Variants in RGS3 observed in about 807,000 individuals in gnomAD.
RGS3 encodes the protein regulator of G-protein signalling 3.
RGS3 carries 80 observed loss-of-function variants against 132.6 expected under a neutral mutation model. The ratio of observed to expected loss-of-function variants is 0.60; its 90% CI spans 0.50 to 0.73. The LOEUF (loss-of-function observed/expected upper bound fraction) is 0.73, where lower values mean the gene tolerates loss of function less well. RGS3 is among the 30% of genes least tolerant of loss of function. The pLI, the probability that RGS3 is intolerant of heterozygous loss-of-function variation, is 0.00. For missense variants in RGS3, 1,382 were observed against 1,530.8 expected, an observed-to-expected ratio of 0.90 and a Z score of 1.62; for synonymous variants, 598 against 620.6, an observed-to-expected ratio of 0.96 and a Z score of 0.54.
At chr9:113,544,501 T>G (rs372599936) in intron 19 of RGS3, among the ~76,000 whole-genome samples, 307 of 152,318 alleles carry the variant, frequency 2.0e-3, no homozygotes, top group African/African-American at 7.0e-3. Flanking sequence ...CCCCATAAAT[T>G]CTATTACCAA....
At chr9:113,449,462 A>G (rs1250132666) in intron 1 of RGS3, among the ~76,000 whole-genome samples, 1 of 152,204 alleles carries the variant, frequency 6.6e-6, no homozygotes, top group African/African-American at 2.4e-5. Context: ...AATTCCGTCA[A>G]TGTGTGGGGT....
chr9:113,468,736 C>T (rs987104404), intron 3 of RGS3, among the ~76,000 whole-genome samples: 5 of 152,106 alleles, frequency 3.3e-5, no homozygotes, highest in Admixed American at 6.6e-5. Flanking sequence ...TCTCTAGTCA[C>T]CTGGATATGG....
chr9:113,502,401 G>T (rs917995770), intron 10 of RGS3, among the ~76,000 whole-genome samples: 1 of 152,242 alleles, frequency 6.6e-6, no homozygotes, highest in African/African-American at 2.4e-5. Context: ...TGGACTGTGG[G>T]TCTTGACTCC....
intron 4 of RGS3, among the ~76,000 whole-genome samples, chr9:113,481,691 C>G (rs772446516): frequency 6.6e-6 from 1 of 152,212 alleles, no homozygotes; most frequent in African/African-American, 2.4e-5. Context: ...CATTGGTTTC[C>G]CAGGCCTTGC....
At chr9:113,536,564 C>A in intron 18 of RGS3, 7 of 1,330,800 alleles carry the variant, frequency 5.3e-6, no homozygotes, top group Non-Finnish European at 6.8e-6. Context: ...CCTTCCTCCC[C>A]TCCCCCAACC....
intron 4 of RGS3, among the ~76,000 whole-genome samples, chr9:113,480,419 A>G (rs555326520): frequency 7.5e-5 from 11 of 146,092 alleles, no homozygotes; most frequent in African/African-American, 2.5e-4. Flanking sequence ...AGATCATGCC[A>G]TTGCACTCCA....
At chr9:113,498,675 G>T (rs544676854) in intron 10 of RGS3, among the ~76,000 whole-genome samples, 2 of 152,304 alleles carry the variant, frequency 1.3e-5, no homozygotes, top group South Asian at 4.1e-4. Flanking sequence ...AGCACTTTGG[G>T]AGGCCGAGGT....
At position 113,498,090 on chromosome 9, in the gene RGS3, GA is replaced by G. The variant is rs749912752; in HGVS notation, c.897+11del. The G allele has an allele frequency of 1.9e-6, 3 of 1,613,658 alleles. No homozygotes were observed. The South Asian group carries it at 3.3e-5, about 18-fold the overall frequency. On this transcript the variant is annotated intron_variant, in intron 10 of 24. Coordinates refer to ENST00000350696, the Ensembl canonical transcript of RGS3. ...TGGGAAGAAACTAAAGGTAGGTGGG[GA>G]CAAGCTAGGGCATTGCTCCAGGAGC...
At chr9:113,570,798 G>A (rs1387695287) in intron 19 of RGS3, among the ~76,000 whole-genome samples, 4 of 152,000 alleles carry the variant, frequency 2.6e-5, no homozygotes, top group East Asian at 1.9e-4. Flanking sequence ...CACCATGCCC[G>A]GCTAATTTTT....
intron 19 of RGS3, among the ~76,000 whole-genome samples, chr9:113,545,338 T>G (rs1833063169): frequency 6.6e-6 from 1 of 152,150 alleles, no homozygotes; most frequent in Admixed American, 6.5e-5. Flanking sequence ...CCTGCCAGGT[T>G]TTGTGCGCAG....
In RGS3 at chr9:113,583,967, C is replaced by T. The variant is rs375486062; in HGVS notation, c.2555C>T (p.Pro852Leu). ...GGGGACCCACCTGCGGCCCCCAGGC[C>T]AGCCTTCGTGATCCCTGAGGTCCGG... Residue 852 changes from proline to leucine, a missense_variant, in exon 20 of 25, where the codon CCA becomes CTA. Physicochemically the swap from Pro to Leu is moderately conservative, Grantham distance 98 (BLOSUM62 -3). Transcript: ENST00000350696. The T allele has an allele frequency of 1.2e-6, 2 of 1,614,110 alleles. No individual in the cohort carries two copies. Among genetic ancestry groups the T allele is most frequent in the Non-Finnish European group, 1.7e-6 (2 of 1,179,944 alleles).
chr9:113,492,800 A>G (rs1375335492), intron 7 of RGS3, among the ~76,000 whole-genome samples: 1 of 152,250 alleles, frequency 6.6e-6, no homozygotes, highest in African/African-American at 2.4e-5. Flanking sequence ...AAGAACACTT[A>G]GAGAGAGGTT....
rs1199629178 is a variant in RGS3, at chr9:113,471,497, G to A, written c.416-7994G>A. Among the ~76,000 whole-genome samples the A allele has an allele frequency of 4.6e-5, 7 of 152,042 alleles. No homozygotes were observed. The East Asian group carries it at 1.2e-3, about 25-fold the overall frequency. On this transcript the variant is annotated intron_variant, in intron 3 of 24. Coordinates refer to ENST00000350696, the Ensembl canonical transcript of RGS3. ...TAACATATTTTGTTTAGCATTTCTA[G>A]TTTTCCTCAGTGGATCTGTCATCCC...
chr9:113,594,371 G>A (rs199660603), intron 21 of RGS3, 59 bp from the exon 20 acceptor site: 1 of 1,602,890 alleles, frequency 6.2e-7, no homozygotes. Flanking sequence ...TCCCGACTCT[G>A]GATTTGCAGG....
intron 15 of RGS3, 84 bp downstream of exon 13, chr9:113,514,738 A>T: frequency 1.5e-6 from 2 of 1,373,080 alleles, no homozygotes; most frequent in Non-Finnish European, 2.0e-6. Context: ...AGGGATGATG[A>T]CTTATCCCAG....
chr9:113,586,649 C>G (rs1835130406), intron 20 of RGS3, among the ~76,000 whole-genome samples: 2 of 152,218 alleles, frequency 1.3e-5, no homozygotes, highest in African/African-American at 4.8e-5. Flanking sequence ...CACACCAGTT[C>G]CTGAGCCCTT....
intron 14 of RGS3, among the ~76,000 whole-genome samples, chr9:113,514,236 C>T (rs1831537433): frequency 1.3e-5 from 2 of 152,210 alleles, no homozygotes; most frequent in African/African-American, 4.8e-5. Flanking sequence ...GACTTGCTTG[C>T]TCACGTGTCA....
chr9:113,468,319 A>G (rs912323448), intron 3 of RGS3, among the ~76,000 whole-genome samples: 1 of 152,164 alleles, frequency 6.6e-6, no homozygotes, highest in African/African-American at 2.4e-5. Flanking sequence ...TTATTTCTCT[A>G]TTGGATGATC....
At chr9:113,578,684 TG>T (rs1046957724) in intron 19 of RGS3, among the ~76,000 whole-genome samples, 24 of 152,212 alleles carry the variant, frequency 1.6e-4, no homozygotes, top group African/African-American at 5.3e-4. Flanking sequence ...TCAAGGTTCC[TG>T]GAAGCTAGCA....
Sources: allele counts gnomAD v4.1 joint callset (sites outside exome capture counted in the v4.1 genomes callset), GRCh38; gene constraint gnomAD v4.1.1; transcripts MANE v1.5; gene names NCBI Gene and HGNC (gene_info 2026-07-23, HGNC 2026-07-21).